The following GLG1 variants were observed in gnomAD, a reference collection of about 807,000 sequenced individuals.
GLG1 encodes the protein golgi glycoprotein 1.
Under a neutral mutation model 160.5 loss-of-function variants are expected in GLG1, and 38 were observed. That is an observed-to-expected ratio of 0.24 (90% CI 0.18 to 0.31). The LOEUF (loss-of-function observed/expected upper bound fraction) is 0.31. Ranked by LOEUF, GLG1 falls within the 10% of genes least tolerant of loss-of-function variation. The pLI is 1.00. For missense variants in GLG1, 1,373 were observed against 1,505.2 expected, an observed-to-expected ratio of 0.91 and a Z score of 1.45; for synonymous variants, 644 against 543.4, an observed-to-expected ratio of 1.19 and a Z score of -2.57.
chr16:74,454,294 C>T (rs550161025), intron 25 of GLG1, among the ~76,000 whole-genome samples: 1 of 152,094 alleles, frequency 6.6e-6, no homozygotes, highest in Admixed American at 6.5e-5. Context: ...CAACCTCAAA[C>T]TCCTGAGCTC....
rs190707785 is a variant in GLG1, at chr16:74,560,370, C to G, written c.439-28217G>C. On this transcript the variant is annotated intron_variant, in intron 1 of 25. Coordinates refer to ENST00000422840, the MANE Select transcript of GLG1 (RefSeq NM_001145667.2). ...TGAGACGGAGTCTCACTCTGTCGCC[C>G]AGGCTGGAGTGCAATGGCACGATCT... 7.2e-3 allele frequency among the ~76,000 whole-genome samples: 1,081 copies of G among 150,412 alleles called. 14 individuals are homozygous for G. Among genetic ancestry groups the G allele is most frequent in the African/African-American group, 0.025 (1,011 of 40,754 alleles).
chr16:74,498,983 T>G (rs1033797178), intron 4 of GLG1, among the ~76,000 whole-genome samples: 1 of 152,050 alleles, frequency 6.6e-6, no homozygotes, highest in African/African-American at 2.4e-5. Flanking sequence ...AAAGGATTTG[T>G]CTATAGCACC....
chr16:74,521,126 G>A (rs906853575), intron 2 of GLG1, among the ~76,000 whole-genome samples: 1 of 152,134 alleles, frequency 6.6e-6, no homozygotes, highest in African/African-American at 2.4e-5. Flanking sequence ...CAAAAGTCCC[G>A]AGTCAGGAAC....
At chr16:74,589,799 C>T (rs1156509289) in intron 1 of GLG1, among the ~76,000 whole-genome samples, 1 of 151,964 alleles carries the variant, frequency 6.6e-6, no homozygotes, top group African/African-American at 2.4e-5. Context: ...TGGCCGAGCA[C>T]GGTGGTACAC....
chr16:74,465,748 C>T lies in GLG1; in HGVS notation c.2595G>A (p.Lys865=). ...GGTCCATCATCTCTGTCTCCTGCAG[C>T]TTAAATACTTTTTGGTGGCAGCGGG... The part of the protein sequence containing the change: ...LSTRCHQKVF[K]LQETEMMDPE... The change falls in exon 19 of 26, where the codon AAG becomes AAA. Residue 865 remains lysine (K), a synonymous_variant. Coordinates refer to ENST00000422840, the MANE Select transcript of GLG1 (RefSeq NM_001145667.2). 10 of 1,613,614 alleles carry T rather than the reference C, an allele frequency of 6.2e-6. No individual in the cohort carries two copies. The highest frequency in any genetic ancestry group is 8.5e-6 in the Non-Finnish European group (10 of 1,179,534).
intron 2 of GLG1, among the ~76,000 whole-genome samples, chr16:74,529,815 T>TTTG (rs1208328387): frequency 4.5e-5 from 6 of 133,056 alleles, no homozygotes; most frequent in African/African-American, 1.7e-4. Flanking sequence ...GAGAGTTCTT[T>TTTG]TTTTTTTTTT....
rs780889039 is a variant in GLG1, at chr16:74,462,214, G to A, written c.2935-19C>T. 11 of 1,313,148 alleles carry A rather than the reference G, an allele frequency of 8.4e-6. No homozygotes were observed. The African/African-American group carries it at 1.3e-4, about 16-fold the overall frequency. The allele number at this position is 1,313,148 out of a possible 1,614,324, so 81.3% of individuals were successfully genotyped here. A position where few individuals can be genotyped will look rare whatever the true frequency, so the allele number is the denominator to read the frequency against. On this transcript the variant is annotated intron_variant, in intron 21 of 25. Coordinates refer to ENST00000422840, the MANE Select transcript of GLG1 (RefSeq NM_001145667.2). ...ACAGGCGCTGCATGTGACAAAGGGA[G>A]GATACATGGGCTGATCAGAAAACGA...
rs2016657862 is a variant in GLG1, at chr16:74,507,594, G to A, written c.558+1245C>T. 2.0e-5 allele frequency among the ~76,000 whole-genome samples: 3 copies of A among 152,120 alleles called. No homozygotes were observed. The South Asian group carries it at 6.2e-4, about 31-fold the overall frequency. On this transcript the variant is annotated intron_variant, in intron 3 of 25. Transcript: ENST00000422840. ...CTACTAAAAATACAAAAATTAGCCAGTCCTGGTGGCATGTGCCTGTAATCC... is the reference window on the plus strand; with the variant it reads ...CTACTAAAAATACAAAAATTAGCCAATCCTGGTGGCATGTGCCTGTAATCC...
intron 1 of GLG1, among the ~76,000 whole-genome samples, chr16:74,560,439 C>T (rs1047983031): frequency 6.6e-6 from 1 of 151,600 alleles, no homozygotes; most frequent in African/African-American, 2.4e-5. Flanking sequence ...GCGATTCTGC[C>T]ACCTCAGCCT....
intron 17 of GLG1, chr16:74,468,722 T>C (rs1216299701): frequency 1.8e-6 from 1 of 543,998 alleles, no homozygotes; most frequent in Non-Finnish European, 3.3e-6. Flanking sequence ...GAGCCTGTCT[T>C]ACAGCTGGAC....
rs117530072 is a variant in GLG1, at chr16:74,571,162, A to G, written c.438+35495T>C. On this transcript the variant is annotated intron_variant, in intron 1 of 25. Coordinates refer to ENST00000422840, the MANE Select transcript of GLG1 (RefSeq NM_001145667.2). The stretch of plus-strand genomic sequence containing the variant: ...GAGACAGCAAGCTAGATGATGAGAC[A>G]TGGAGCCCAGTTGCTTTTTTCACCC... Among the ~76,000 whole-genome samples the G allele has an allele frequency of 8.8e-4, 134 of 152,230 alleles. 1 individual carries two copies. The East Asian group carries it at 0.024, about 27-fold the overall frequency.
chr16:74,594,426 A>G (rs982633675), intron 1 of GLG1, among the ~76,000 whole-genome samples: 1 of 152,174 alleles, frequency 6.6e-6, no homozygotes, highest in Non-Finnish European at 1.5e-5. Context: ...AAAATTATTA[A>G]AGCTGAATGA....
At chr16:74,496,858 T>C (rs969493030) in intron 4 of GLG1, among the ~76,000 whole-genome samples, 6 of 152,030 alleles carry the variant, frequency 3.9e-5, no homozygotes, top group Non-Finnish European at 8.8e-5. Context: ...TAATCTTCAG[T>C]TAGAATATAA....
intron 12 of GLG1, 136 bp from the exon 13 acceptor site, chr16:74,474,768 G>T: frequency 1.5e-6 from 1 of 664,474 alleles, no homozygotes. Flanking sequence ...TCACTGAACA[G>T]GACACAAAAG....
intron 1 of GLG1, among the ~76,000 whole-genome samples, chr16:74,547,316 A>G (rs1411392761): frequency 1.3e-5 from 2 of 151,424 alleles, no homozygotes; most frequent in Non-Finnish European, 2.9e-5. Context: ...AAAAATGAAG[A>G]GTAGATCCTT....
chr16:74,454,277 C>T lies in GLG1; in HGVS notation c.3373-943G>A, dbSNP rs564347671. On this transcript the variant is annotated intron_variant, in intron 25 of 25. Coordinates refer to ENST00000422840, the MANE Select transcript of GLG1 (RefSeq NM_001145667.2). ...TTGGTGTACAGTGGTGCGATCACAG[C>T]TCACTACAACCTCAAACTCCTGAGC... is the stretch of plus-strand genomic sequence containing the variant. 4.3e-4 allele frequency among the ~76,000 whole-genome samples: 66 copies of T among 152,074 alleles called. 1 individual carries two copies. The highest frequency in any genetic ancestry group is 2.5e-3 in the Admixed American group (38 of 15,258).
intron 8 of GLG1, among the ~76,000 whole-genome samples, chr16:74,490,013 T>G (rs567969381): frequency 1.3e-5 from 2 of 152,330 alleles, no homozygotes; most frequent in East Asian, 3.9e-4. Context: ...ATAGACTGAT[T>G]GTGGCTTTCT....
intron 2 of GLG1, among the ~76,000 whole-genome samples, chr16:74,526,539 CAAAGTG>C (rs771027653): frequency 2.0e-5 from 3 of 148,372 alleles, no homozygotes; most frequent in Non-Finnish European, 4.5e-5. Context: ...GCCTGGGCAA[CAAAGTG>C]AAACCCCATC....
At position 74,607,012 on chromosome 16, in the gene GLG1, T is replaced by G; in HGVS notation, c.83A>C (p.Glu28Ala). Residue 28 changes from glutamate to alanine, a missense_variant, in exon 1 of 26, where the codon GAG (glutamate) becomes GCG (alanine). Transcript: ENST00000422840. ...GTGGACGCCCTGGCCGGGGAGTTTC[T>G]CGGCCCCGGCCGCGAATAGCAGCAG... ...HLLLLFAAGA[E>A]KLPGQGVHSQ... The G allele has an allele frequency of 6.2e-7, 1 of 1,602,162 alleles. No homozygotes were observed. The highest frequency in any genetic ancestry group is 8.5e-7 in the Non-Finnish European group (1 of 1,176,656).
Sources: allele counts gnomAD v4.1 joint callset (sites outside exome capture counted in the v4.1 genomes callset), GRCh38; gene constraint gnomAD v4.1.1; transcripts MANE v1.5; gene names NCBI Gene and HGNC (gene_info 2026-07-23, HGNC 2026-07-21).